The following PCDHGA9 variants were observed in gnomAD, a reference collection of about 807,000 sequenced individuals.
PCDHGA9 encodes protocadherin gamma subfamily A, 9, also known as protocadherin gamma-A9.
Under a neutral mutation model 62.5 loss-of-function variants are expected in PCDHGA9, and 37 were observed. The ratio of observed to expected loss-of-function variants is 0.59; its 90% confidence interval spans 0.46 to 0.78. The LOEUF is 0.78. Ranked by LOEUF, PCDHGA9 falls within the 30% of genes least tolerant of loss-of-function variation. The probability of loss-of-function intolerance (pLI) is 0.00; values close to 1 mark genes in which losing one functional copy is unlikely to be tolerated. For synonymous variants in PCDHGA9, 459 were observed against 484.6 expected (o/e 0.95, Z 0.69); for missense variants, 1,138 against 1,166.2 (o/e 0.98, Z 0.35).
rs1208504589 is a variant in PCDHGA9, at chr5:141,431,631, T to C, written c.2424+26255T>C. On this transcript the variant is annotated intron_variant, in intron 1 of 3. Coordinates refer to ENST00000573521, the MANE Select transcript of PCDHGA9 (RefSeq NM_018921.3). The surrounding 1 kb of genome is among the most constrained non-coding windows in gnomAD (Gnocchi z 4.8). ...TATGTGGACGACAAGGCGGCCCAAG[T>C]TTTCAAACTAGATTGTAATTCAGGG... The C allele has an allele frequency of 6.2e-6, 10 of 1,614,132 alleles. No individual in the cohort carries two copies. Among genetic ancestry groups the C allele is most frequent in the Non-Finnish European group, 8.5e-6 (10 of 1,180,016 alleles).
In PCDHGA9 at chr5:141,511,358, G is replaced by GT; in HGVS notation, c.*187dup. 1 of 1,355,398 alleles carries GT rather than the reference G, an allele frequency of 7.4e-7. No homozygotes were observed. Among genetic ancestry groups the GT allele is most frequent in the South Asian group, 1.5e-5 (1 of 66,198 alleles). 84.0% of individuals were successfully genotyped at this position (1,355,398 alleles called of 1,614,324 possible). On this transcript the variant is annotated 3_prime_UTR_variant, in exon 4 of 4. Transcript: ENST00000573521. ...GCACCTACCCCTTCCCCCCCAGGGG[G>GT]TTGAATATGCAAAAGCAGTTCCGCT...
In PCDHGA9 at chr5:141,432,872, C is replaced by G; in HGVS notation, c.2424+27496C>G. 4 of 1,614,192 alleles carry G rather than the reference C, an allele frequency of 2.5e-6. No individual in the cohort carries two copies. The highest frequency in any genetic ancestry group is 3.4e-6 in the Non-Finnish European group (4 of 1,180,018). ...GGTGGCCGCGGTCTCCTGCGTCTTCCTGGCCTTCGTCATCTTGCTGCTGGC... is the reference window on the plus strand; with the variant it reads ...GGTGGCCGCGGTCTCCTGCGTCTTCGTGGCCTTCGTCATCTTGCTGCTGGC... On this transcript the variant is annotated intron_variant, in intron 1 of 3. Coordinates refer to ENST00000573521, the MANE Select transcript of PCDHGA9 (RefSeq NM_018921.3). The surrounding 1 kb of genome is among the most constrained non-coding windows in gnomAD (Gnocchi z 6.0).
At chr5:141,419,702 G>T (rs116279995) in intron 1 of PCDHGA9, 2 of 1,612,834 alleles carry the variant, frequency 1.2e-6, no homozygotes, top group East Asian at 4.5e-5. Context: ...CAGTGAGCCC[G>T]GGCTCTTCAG....
chr5:141,430,480 A>G (rs2097288752), intron 1 of PCDHGA9: 1 of 256,116 alleles, frequency 3.9e-6, no homozygotes, highest in Admixed American at 5.4e-5. Context: ...TTAAGATATA[A>G]AAACGAAATA....
In PCDHGA9 at chr5:141,409,393, T is replaced by C. The variant is rs539937433; in HGVS notation, c.2424+4017T>C. 4.8e-5 allele frequency: 77 copies of C among 1,614,062 alleles called. 1 individual carries two copies. In the East Asian group the frequency reaches 1.7e-3, roughly 35 times the overall value. On this transcript the variant is annotated intron_variant, in intron 1 of 3. Coordinates refer to ENST00000573521, the MANE Select transcript of PCDHGA9 (RefSeq NM_018921.3). ...ACATTCCATTCAAGATTTATTCTTC[T>C]TCCAATAACTACTACAAACTGGTGA...
chr5:141,422,069 C>A, intron 1 of PCDHGA9: 3 of 1,611,836 alleles, frequency 1.9e-6, no homozygotes, highest in Non-Finnish European at 2.5e-6. Flanking sequence ...GTAATGTATT[C>A]ATTTCGGAAC....
chr5:141,471,338 A>G (rs1562030662), intron 1 of PCDHGA9: 1 of 152,234 alleles, frequency 6.6e-6, no homozygotes, highest in Non-Finnish European at 1.5e-5. Context: ...GGTATGATCC[A>G]CTGCGCCCGG....
In PCDHGA9 at chr5:141,405,069, C is replaced by T. The variant is rs200974828; in HGVS notation, c.2117C>T (p.Thr706Ile). The change falls in exon 1 of 4, where the codon ACC (threonine) becomes ATC (isoleucine). Residue 706 changes from threonine to isoleucine, a missense_variant. Thr to Ile is a moderately conservative substitution (Grantham distance 89). Coordinates refer to ENST00000573521, the MANE Select transcript of PCDHGA9 (RefSeq NM_018921.3). ...GCAGTCGTCTCCTGTGTCTTCCTCA[C>T]CTTCGTTATCACGCTGCTGGCCCTC... is the stretch of plus-strand genomic sequence containing the variant. ...AVAVVSCVFL[T>I]FVITLLALRL... 1.3e-4 allele frequency: 215 copies of T among 1,613,758 alleles called. No individual in the cohort carries two copies. The highest frequency in any genetic ancestry group is 1.7e-4 in the Non-Finnish European group (203 of 1,179,762).
chr5:141,439,830 C>T (rs2098134193), intron 1 of PCDHGA9: 1 of 152,352 alleles, frequency 6.6e-6, no homozygotes, highest in South Asian at 2.1e-4. Context: ...GCTGGAGCAG[C>T]AGCAACTCTA....
chr5:141,403,551 T>G lies in PCDHGA9; in HGVS notation c.599T>G (p.Leu200Arg). The stretch of plus-strand genomic sequence containing the variant: ...CCAGAGCTGGTGCTGGAGCGCGCCC[T>G]GGACAGGGAGGAGGCAACTGCCCAC... ...INPELVLERA[L>R]DREEATAHHL... The change falls in exon 1 of 4, where the codon CTG (leucine) becomes CGG (arginine). Residue 200 changes from leucine to arginine, a missense_variant. Coordinates refer to ENST00000573521, the MANE Select transcript of PCDHGA9 (RefSeq NM_018921.3). 6.2e-7 allele frequency: 1 copy of G among 1,613,986 alleles called. No homozygotes were observed. The highest frequency in any genetic ancestry group is 8.5e-7 in the Non-Finnish European group (1 of 1,179,890).
intron 1 of PCDHGA9, chr5:141,413,899 A>G: frequency 1.2e-6 from 2 of 1,613,286 alleles, no homozygotes; most frequent in Non-Finnish European, 1.7e-6. Context: ...TGCAAATGAC[A>G]ACGCGCCGGT....
intron 1 of PCDHGA9, among the ~76,000 whole-genome samples, chr5:141,455,246 G>A (rs2098817522): frequency 6.6e-6 from 1 of 151,962 alleles, no homozygotes; most frequent in Non-Finnish European, 1.5e-5. Context: ...AAAGGTCATA[G>A]TACAATCGCA....
chr5:141,413,013 C>A, intron 1 of PCDHGA9: 2 of 661,008 alleles, frequency 3.0e-6, no homozygotes, highest in Admixed American at 6.8e-5. Context: ...GCTTCAACTA[C>A]ACAAGCCCCA....
rs1481706003 is a variant in PCDHGA9, at chr5:141,491,416, G to A, written c.2425-3391G>A. On this transcript the variant is annotated intron_variant, in intron 1 of 3. Transcript: ENST00000573521. This position sits in a 1 kb window ranked among gnomAD's most constrained non-coding sequence, Gnocchi z 6.9. ...TCAGGGAAACGCAGACGGGGACGGG[G>A]GTGGAGGGCAGTGCTGCAGGCGCCA... 3 of 1,614,138 alleles carry A rather than the reference G, an allele frequency of 1.9e-6. No homozygotes were observed. The highest frequency in any genetic ancestry group is 2.2e-5 in the East Asian group (1 of 44,874).
At chr5:141,421,662 G>A (rs2096591243) in intron 1 of PCDHGA9, 3 of 1,613,844 alleles carry the variant, frequency 1.9e-6, no homozygotes, top group South Asian at 1.1e-5. Context: ...AAGTCAGTGA[G>A]CACGCAATTC....
intron 1 of PCDHGA9, among the ~76,000 whole-genome samples, chr5:141,464,886 A>T (rs541933775): frequency 5.2e-4 from 79 of 152,156 alleles, no homozygotes; most frequent in African/African-American, 1.9e-3. Flanking sequence ...CTACAGATGG[A>T]TGCCACCATG....
chr5:141,417,975 A>C, intron 1 of PCDHGA9: 3 of 1,613,724 alleles, frequency 1.9e-6, no homozygotes, highest in Non-Finnish European at 2.5e-6. Context: ...TCGATTCCGG[A>C]GGAGCTGGCC....
rs1554116817 is a variant in PCDHGA9 at position 141,423,755 on chromosome 5, G to GGC, written c.2424+18380_2424+18381insCG. 3 of 512,420 alleles carry GGC rather than the reference G, an allele frequency of 5.9e-6. No individual in the cohort carries two copies. The African/African-American group carries it at 8.1e-5, about 14-fold the overall frequency. 31.7% of individuals were successfully genotyped at this position (512,420 alleles called of 1,614,324 possible). A position where few individuals can be genotyped will look rare whatever the true frequency, so the allele number is the denominator to read the frequency against. On this transcript the variant is annotated intron_variant, in intron 1 of 3. Coordinates refer to ENST00000573521, the MANE Select transcript of PCDHGA9 (RefSeq NM_018921.3). ...AGCCTGTTATGAAAACTGTTTGGGGGGGGGGTGGGGCGGCATATATTTAGT... is the reference window on the plus strand; with the variant it reads ...AGCCTGTTATGAAAACTGTTTGGGGGGCGGGGGTGGGGCGGCATATATTTAGT...
chr5:141,461,228 A>C (rs1472527415), intron 1 of PCDHGA9, among the ~76,000 whole-genome samples: 1 of 151,976 alleles, frequency 6.6e-6, no homozygotes, highest in Non-Finnish European at 1.5e-5. Flanking sequence ...TTTTCCATAG[A>C]GGTTGTACTA....
Sources: allele counts gnomAD v4.1 joint callset (sites outside exome capture counted in the v4.1 genomes callset), GRCh38; gene constraint gnomAD v4.1.1; non-coding constraint Gnocchi (gnomAD v3.1); transcripts MANE v1.5; gene names NCBI Gene and HGNC (gene_info 2026-07-23, HGNC 2026-07-21).